PPFIA1: variants seen among roughly 807,000 people sequenced by gnomAD.
PPFIA1 encodes the protein liprin-alpha-1.
PPFIA1 carries 25 observed loss-of-function variants against 149.9 expected under a neutral mutation model. That is an observed-to-expected ratio of 0.17 (90% CI 0.12 to 0.23). PPFIA1 has a LOEUF of 0.23. Ranked by LOEUF, PPFIA1 falls within the 10% of genes least tolerant of loss-of-function variation. The probability of loss-of-function intolerance (pLI) is 1.00; values close to 1 mark genes in which losing one functional copy is unlikely to be tolerated. For missense variants in PPFIA1, 1,362 were observed against 1,506.5 expected, an observed-to-expected ratio of 0.90 and a Z score of 1.59; for synonymous variants, 549 against 552.8, an observed-to-expected ratio of 0.99 and a Z score of 0.10.
chr11:70,305,046 TC>T (rs2052755582), intron 2 of PPFIA1, among the ~76,000 whole-genome samples: 2 of 152,116 alleles, frequency 1.3e-5, no homozygotes, highest in South Asian at 4.1e-4. Context: ...ACCACCGTGT[TC>T]CAGAGCATGG....
chr11:70,342,937 T>A (rs1320013238), intron 14 of PPFIA1, among the ~76,000 whole-genome samples: 1 of 68,692 alleles, frequency 1.5e-5, no homozygotes, highest in Non-Finnish European at 2.6e-5. Context: ...ATGTACCACC[T>A]TTTTTTTTTT....
At chr11:70,347,766 G>T (rs2055803894) in intron 15 of PPFIA1, among the ~76,000 whole-genome samples, 1 of 152,196 alleles carries the variant, frequency 6.6e-6, no homozygotes, top group Admixed American at 6.5e-5. Flanking sequence ...TACTTTGGGA[G>T]GCCGAGGCAG....
At chr11:70,366,238 T>A (rs973582310) in intron 21 of PPFIA1, among the ~76,000 whole-genome samples, 2 of 152,228 alleles carry the variant, frequency 1.3e-5, no homozygotes, top group African/African-American at 4.8e-5. Flanking sequence ...TGATCTTGTA[T>A]ACAAAGTCTT....
chr11:70,338,586 G>C, intron 13 of PPFIA1, 133 bp downstream of exon 13: 1 of 670,220 alleles, frequency 1.5e-6, no homozygotes, highest in Non-Finnish European at 2.5e-6. Context: ...GGAAGCGAGA[G>C]AGAAAAGTAA....
intron 2 of PPFIA1, among the ~76,000 whole-genome samples, chr11:70,309,650 T>C (rs892286884): frequency 9.2e-5 from 14 of 151,838 alleles, no homozygotes; most frequent in African/African-American, 3.1e-4. Flanking sequence ...AAAAAAGTTT[T>C]CCAAAAAATA....
chr11:70,335,710 C>G lies in PPFIA1; in HGVS notation c.1428+16C>G, dbSNP rs145983255. 3 of 1,612,982 alleles carry G rather than the reference C, an allele frequency of 1.9e-6. No homozygotes were observed. In the Admixed American group the frequency reaches 5.0e-5, roughly 27 times the overall value. The stretch of plus-strand genomic sequence containing the variant: ...GGAAGATAAGGTAAGTTAGATAACA[C>G]GGACATGCTGGAGCTTTCCCACCCT... On this transcript the variant is annotated intron_variant, in intron 11 of 27. Transcript: ENST00000253925.
chr11:70,277,264 C>A (rs767046925), intron 2 of PPFIA1, among the ~76,000 whole-genome samples: 6 of 151,776 alleles, frequency 4.0e-5, no homozygotes, highest in African/African-American at 1.4e-4. Context: ...GATCCTCCCC[C>A]CTTAGCCTCC....
intron 2 of PPFIA1, among the ~76,000 whole-genome samples, chr11:70,287,920 A>G (rs901527727): frequency 6.6e-6 from 1 of 152,030 alleles, no homozygotes; most frequent in Non-Finnish European, 1.5e-5. Flanking sequence ...TGCTGGGATT[A>G]CATAATGATG....
chr11:70,361,926 A>G (rs1316858826), intron 19 of PPFIA1, among the ~76,000 whole-genome samples, 169 bp from the exon 20 acceptor site: 1 of 151,644 alleles, frequency 6.6e-6, no homozygotes, highest in Non-Finnish European at 1.5e-5. Context: ...CACCTTGCAA[A>G]TTTTTAAAAT....
At chr11:70,376,240 C>T (rs981456565) in intron 24 of PPFIA1, among the ~76,000 whole-genome samples, 4 of 152,280 alleles carry the variant, frequency 2.6e-5, no homozygotes, top group East Asian at 3.9e-4. Flanking sequence ...CTGCCTGTCT[C>T]GGCCTCCCAA....
intron 2 of PPFIA1, among the ~76,000 whole-genome samples, chr11:70,316,753 A>C (rs1302342595): frequency 6.6e-6 from 1 of 152,256 alleles, no homozygotes; most frequent in African/African-American, 2.4e-5. Flanking sequence ...AGCCATCGGA[A>C]TGACGGGAAA....
At chr11:70,277,767 G>A (rs1161011471) in intron 2 of PPFIA1, among the ~76,000 whole-genome samples, 5 of 152,116 alleles carry the variant, frequency 3.3e-5, no homozygotes, top group Non-Finnish European at 1.5e-5. Flanking sequence ...TGGGATTACA[G>A]ATGTGAGCCA....
rs536890376 is a variant in PPFIA1 at position 70,313,563 on chromosome 11, G to T, written c.265-10839G>T. ...GGTAGAGGAGTGGGCAGTTCTAGAA[G>T]ATATGTGTGTGAGGGCGAATGAGGG... On this transcript the variant is annotated intron_variant, in intron 2 of 27. Coordinates refer to ENST00000253925, the MANE Select transcript of PPFIA1 (RefSeq NM_003626.5). Among the ~76,000 whole-genome samples, 5 of 152,252 alleles carry T rather than the reference G, an allele frequency of 3.3e-5. No individual in the cohort carries two copies. The South Asian group carries it at 8.3e-4, about 25-fold the overall frequency.
intron 2 of PPFIA1, among the ~76,000 whole-genome samples, chr11:70,295,637 G>A (rs1302798306): frequency 7.1e-6 from 1 of 141,312 alleles, no homozygotes; most frequent in African/African-American, 2.7e-5. Flanking sequence ...GGGCGGCCGG[G>A]CAGAGGTGCC....
intron 16 of PPFIA1, chr11:70,349,993 C>CT (rs983973371): frequency 2.2e-6 from 1 of 454,484 alleles, no homozygotes; most frequent in African/African-American, 2.0e-5. Context: ...TCCACCTCCC[C>CT]TCCCAGTTCC....
intron 24 of PPFIA1, 114 bp from the exon 25 acceptor site, chr11:70,376,418 G>T: frequency 9.6e-7 from 1 of 1,046,318 alleles, no homozygotes; most frequent in South Asian, 1.4e-5. Context: ...TGAGCCACCA[G>T]ACCCAGCCAG....
intron 14 of PPFIA1, among the ~76,000 whole-genome samples, chr11:70,340,610 G>C (rs586164): frequency 0.025 from 3,779 of 151,938 alleles, 80 homozygotes; most frequent in African/African-American, 0.044. Flanking sequence ...GGGCCAGGCC[G>C]CATTACAGAC....
intron 6 of PPFIA1, 77 bp from the exon 7 acceptor site, chr11:70,326,520 A>T: frequency 7.4e-7 from 1 of 1,355,508 alleles, no homozygotes. Flanking sequence ...TTTTGATTTT[A>T]GCTATTTCCT....
intron 11 of PPFIA1, 73 bp downstream of exon 11, chr11:70,335,767 A>T (rs2054934474): frequency 4.5e-6 from 7 of 1,560,498 alleles, no homozygotes; most frequent in Admixed American, 1.7e-5. Context: ...GCCCCTGAGC[A>T]GGCGTGTGTA....
Sources: allele counts gnomAD v4.1 joint callset (sites outside exome capture counted in the v4.1 genomes callset), GRCh38; gene constraint gnomAD v4.1.1; transcripts MANE v1.5; gene names NCBI Gene and HGNC (gene_info 2026-07-23, HGNC 2026-07-21).